The following TTLL5 variants were observed in gnomAD, a reference collection of about 807,000 sequenced individuals.
TTLL5 encodes tubulin polyglutamylase TTLL5.
In TTLL5, 132 loss-of-function variants were observed where a neutral mutation model predicts 168.4. The observed-to-expected ratio is 0.78, with a 90% CI of 0.68 to 0.91. The LOEUF (loss-of-function observed/expected upper bound fraction) is 0.91, where lower values mean the gene tolerates loss of function less well. Among genes scored for constraint, TTLL5 ranks in the 40% least tolerant of loss-of-function variants. The pLI is 0.00. For missense variants in TTLL5, 1,545 were observed against 1,581.5 expected (o/e 0.98, Z 0.39); for synonymous variants, 546 against 558.6 (o/e 0.98, Z 0.32).
chr14:75,767,441 G>C (rs903693038), intron 20 of TTLL5, among the ~76,000 whole-genome samples: 2 of 152,194 alleles, frequency 1.3e-5, no homozygotes, highest in Non-Finnish European at 2.9e-5. Context: ...CAGTGATCTG[G>C]CATGAAGAGG....
intron 9 of TTLL5, among the ~76,000 whole-genome samples, chr14:75,716,956 G>A (rs1042874749): frequency 2.0e-5 from 3 of 152,014 alleles, no homozygotes; most frequent in Middle Eastern, 3.2e-3. Flanking sequence ...TATTTATGCC[G>A]TTTTGCTTTG....
chr14:75,843,974 A>G (rs1254995385), intron 28 of TTLL5, among the ~76,000 whole-genome samples: 4 of 151,356 alleles, frequency 2.6e-5, no homozygotes, highest in South Asian at 4.2e-4. Flanking sequence ...GCTCACTGCA[A>G]CCACACCTCC....
At chr14:75,831,863 CCTTTTGG>C (rs1895589159) in intron 28 of TTLL5, among the ~76,000 whole-genome samples, 1 of 152,112 alleles carries the variant, frequency 6.6e-6, no homozygotes, top group African/African-American at 2.4e-5. Context: ...TAAACACAAC[CCTTTTGG>C]CTTTTGGCTT....
rs557170136 is a variant in TTLL5 at position 75,679,423 on chromosome 14, C to T, written c.182-2122C>T. Among the ~76,000 whole-genome samples, 263 of 152,278 alleles carry T rather than the reference C, an allele frequency of 1.7e-3. 1 individual carries two copies. Among genetic ancestry groups the T allele is most frequent in the South Asian group, 2.5e-3 (12 of 4,828 alleles). ...AGAAAGGAACACAGCTCTGCCAATT[C>T]CTTGGTTTTAGCCTGGTGAGACCTG... On this transcript the variant is annotated intron_variant, in intron 3 of 31. Transcript: ENST00000298832.
At chr14:75,771,938 A>G (rs1566597040) in intron 21 of TTLL5, 84 bp downstream of exon 21, 4 of 1,461,064 alleles carry the variant, frequency 2.7e-6, no homozygotes, top group Non-Finnish European at 3.7e-6. Flanking sequence ...CTATTAGGGT[A>G]AAGTGCGATA....
intron 17 of TTLL5, among the ~76,000 whole-genome samples, chr14:75,752,649 T>C (rs1890018241): frequency 6.6e-6 from 1 of 152,158 alleles, no homozygotes; most frequent in Admixed American, 6.5e-5. Flanking sequence ...CTGGTTTTTC[T>C]TTCTGTTTTC....
rs1361388251 is a variant in TTLL5, at chr14:75,922,737, G to A, written c.3823+20513G>A. 2.0e-5 allele frequency among the ~76,000 whole-genome samples: 3 copies of A among 152,170 alleles called. No homozygotes were observed. The South Asian group carries it at 6.2e-4, about 32-fold the overall frequency. The stretch of plus-strand genomic sequence containing the variant: ...GGGCTTTGGTATCAGGATGATGCTG[G>A]CGTCATAAAATGAGTTAGGGAGGTT... On this transcript the variant is annotated intron_variant, in intron 31 of 31. Coordinates refer to ENST00000298832, the MANE Select transcript of TTLL5 (RefSeq NM_015072.5).
intron 8 of TTLL5, 108 bp from the exon 9 acceptor site, chr14:75,707,515 A>G: frequency 1.2e-6 from 1 of 833,232 alleles, no homozygotes; most frequent in Middle Eastern, 3.2e-4. Context: ...TTTCATGTGG[A>G]GTGTAGGAAT....
chr14:75,933,937 A>G (rs926529715), intron 31 of TTLL5, among the ~76,000 whole-genome samples: 2 of 152,258 alleles, frequency 1.3e-5, no homozygotes, highest in African/African-American at 2.4e-5. Flanking sequence ...AAGCCAAGGA[A>G]GGAACCAAAC....
intron 31 of TTLL5, among the ~76,000 whole-genome samples, chr14:75,911,923 G>C (rs958928841): frequency 6.6e-6 from 1 of 152,202 alleles, no homozygotes; most frequent in Admixed American, 6.5e-5. Flanking sequence ...AGAGGAGAGA[G>C]ACCCTCAGTT....
chr14:75,873,702 T>G (rs929555309), intron 29 of TTLL5, among the ~76,000 whole-genome samples: 1 of 152,188 alleles, frequency 6.6e-6, no homozygotes, highest in Non-Finnish European at 1.5e-5. Flanking sequence ...CCACATTTTC[T>G]TTTTCCATTC....
At chr14:75,874,933 CT>C (rs1555353208) in intron 29 of TTLL5, among the ~76,000 whole-genome samples, 12 of 97,546 alleles carry the variant, frequency 1.2e-4, no homozygotes, top group East Asian at 4.1e-4. Flanking sequence ...CACTGGGGGC[CT>C]TTTTTTTTTT....
intron 28 of TTLL5, chr14:75,835,519 G>A (rs2139822775): frequency 6.6e-6 from 1 of 152,278 alleles, no homozygotes; most frequent in South Asian, 2.1e-4. Context: ...ATTGCAAATG[G>A]ACTCTGCTCT....
At chr14:75,674,185 T>G (rs899973520) in intron 3 of TTLL5, among the ~76,000 whole-genome samples, 7 of 152,242 alleles carry the variant, frequency 4.6e-5, no homozygotes, top group Non-Finnish European at 1.0e-4. Flanking sequence ...CACCAAACTT[T>G]TCTCAAATTC....
chr14:75,915,172 A>G (rs1004079426), intron 31 of TTLL5, among the ~76,000 whole-genome samples: 5 of 152,118 alleles, frequency 3.3e-5, no homozygotes, highest in African/African-American at 1.2e-4. Flanking sequence ...TCTTTTGAAC[A>G]CTGAACTGTC....
intron 22 of TTLL5, among the ~76,000 whole-genome samples, chr14:75,775,946 G>A (rs1891703566): frequency 6.6e-6 from 1 of 152,200 alleles, no homozygotes; most frequent in African/African-American, 2.4e-5. Context: ...GTAGAAAGTG[G>A]CAAATTGACC....
At chr14:75,792,882 C>T in intron 26 of TTLL5, 34 bp from the exon 27 acceptor site, 4 of 1,501,160 alleles carry the variant, frequency 2.7e-6, no homozygotes, top group Admixed American at 4.1e-5. Flanking sequence ...CCTTTTTTTC[C>T]TAAATGAGTG....
chr14:75,816,684 G>A (rs542716143), intron 27 of TTLL5, among the ~76,000 whole-genome samples: 11 of 152,228 alleles, frequency 7.2e-5, no homozygotes, highest in Admixed American at 2.6e-4. Context: ...CACAACTAAA[G>A]CAGTAATTGG....
intron 27 of TTLL5, among the ~76,000 whole-genome samples, chr14:75,817,606 A>G (rs1380955311): frequency 6.6e-6 from 1 of 152,094 alleles, no homozygotes; most frequent in Non-Finnish European, 1.5e-5. Flanking sequence ...AAAAATCATA[A>G]TTCTCTCATT....
Sources: allele counts gnomAD v4.1 joint callset (sites outside exome capture counted in the v4.1 genomes callset), GRCh38; gene constraint gnomAD v4.1.1; transcripts MANE v1.5; gene names NCBI Gene and HGNC (gene_info 2026-07-23, HGNC 2026-07-21).